The following SRGAP3 variants were observed in gnomAD, a reference collection of about 807,000 sequenced individuals.
The protein encoded by SRGAP3 is SLIT-ROBO Rho GTPase activating protein 3.
A neutral mutation model predicts 121.1 loss-of-function variants in SRGAP3; 39 were observed. That is an observed-to-expected ratio of 0.32 (90% CI 0.25 to 0.42). The LOEUF (loss-of-function observed/expected upper bound fraction) is 0.42. Among genes scored for constraint, SRGAP3 ranks in the 10% least tolerant of loss-of-function variants. The pLI is 1.00. For missense variants in SRGAP3, 1,213 were observed against 1,470.6 expected, an observed-to-expected ratio of 0.82 and a Z score of 2.86; for synonymous variants, 601 against 570.0, an observed-to-expected ratio of 1.05 and a Z score of -0.77.
chr3:9,313,855 G>A (rs768525032), intron 3 of SRGAP3, among the ~76,000 whole-genome samples: 38 of 151,958 alleles, frequency 2.5e-4, no homozygotes, highest in Admixed American at 3.9e-4. Context: ...TTAGCCGGGT[G>A]TGGTGGCATG....
intron 1 of SRGAP3, among the ~76,000 whole-genome samples, chr3:9,352,063 G>C (rs769470106): frequency 1.4e-4 from 22 of 151,954 alleles, no homozygotes; most frequent in Non-Finnish European, 2.8e-4. Flanking sequence ...TGGTGATTTG[G>C]GGCTTTAAGG....
intron 1 of SRGAP3, among the ~76,000 whole-genome samples, chr3:9,344,245 A>G (rs564062496): frequency 1.6e-3 from 245 of 152,290 alleles, no homozygotes; most frequent in African/African-American, 5.6e-3. Context: ...ACCTGAGGTC[A>G]GAAGTTGGAG....
chr3:8,994,296 C>T, intron 19 of SRGAP3, 47 bp downstream of exon 19: 1 of 1,610,994 alleles, frequency 6.2e-7, no homozygotes, highest in Non-Finnish European at 8.5e-7. Flanking sequence ...TCCCAGACAT[C>T]ACTAATCTAT....
chr3:9,315,590 A>AG (rs1379539454), intron 3 of SRGAP3, among the ~76,000 whole-genome samples: 1 of 152,256 alleles, frequency 6.6e-6, no homozygotes, highest in Non-Finnish European at 1.5e-5. Flanking sequence ...TTCTAAAGCA[A>AG]GACCTTGAGT....
At chr3:9,177,198 C>A (rs935645595) in intron 1 of SRGAP3, among the ~76,000 whole-genome samples, 1 of 152,178 alleles carries the variant, frequency 6.6e-6, no homozygotes, top group Non-Finnish European at 1.5e-5. Flanking sequence ...GTGATGTGGA[C>A]ACAAAAGGAA....
At chr3:9,271,068 T>C (rs1954467115) in intron 3 of SRGAP3, among the ~76,000 whole-genome samples, 1 of 152,220 alleles carries the variant, frequency 6.6e-6, no homozygotes, top group Non-Finnish European at 1.5e-5. Context: ...GCCCAGTGGC[T>C]CGTGACTGTA....
chr3:9,311,104 AGGTTGCAGTGAGCCCAG>A (rs950637587), intron 3 of SRGAP3, among the ~76,000 whole-genome samples: 1 of 151,032 alleles, frequency 6.6e-6, no homozygotes, highest in Admixed American at 6.6e-5. Context: ...CAGGAGGTGG[AGGTTGCAGTGAGCCCAG>A]GTTGCGTCAC....
chr3:9,182,820 AT>A (rs1041862700), intron 1 of SRGAP3, among the ~76,000 whole-genome samples: 1 of 151,694 alleles, frequency 6.6e-6, no homozygotes, highest in African/African-American at 2.4e-5. Context: ...TGCCTGGTTA[AT>A]TTTTTTAAAA....
At position 8,999,874 on chromosome 3, in the gene SRGAP3, T is replaced by TAAAAAG. The variant is rs1009664237; in HGVS notation, c.2228-5357_2228-5352dup. 4.6e-5 allele frequency among the ~76,000 whole-genome samples: 7 copies of TAAAAAG among 151,798 alleles called. No homozygotes were observed. The Middle Eastern group carries it at 0.014, about 297-fold the overall frequency. On this transcript the variant is annotated intron_variant, in intron 18 of 21. Coordinates refer to ENST00000383836, the MANE Select transcript of SRGAP3 (RefSeq NM_014850.4). Reference sequence around the variant, plus strand: ...CCCCAGGGAAACTCGAGAAAAAATATAAAAAGAAAAAGAAAAAGAAATATT... The same window carrying TAAAAAG: ...CCCCAGGGAAACTCGAGAAAAAATATAAAAAGAAAAAGAAAAAGAAAAAGAAATATT...
intron 3 of SRGAP3, among the ~76,000 whole-genome samples, chr3:9,095,482 T>A (rs188798217): frequency 2.8e-4 from 42 of 152,284 alleles, no homozygotes; most frequent in African/African-American, 1.0e-3. Context: ...GGCCTTATAT[T>A]TTTCCATATG....
intron 1 of SRGAP3, among the ~76,000 whole-genome samples, chr3:9,214,124 A>ACACACACACACACACACATG (rs1193644108): frequency 5.3e-5 from 8 of 151,268 alleles, no homozygotes; most frequent in Non-Finnish European, 1.0e-4. Context: ...TCCAACACAC[A>ACACACACACACACACACATG]CACACACACA....
chr3:9,115,813 T>A (rs867718630), intron 2 of SRGAP3, among the ~76,000 whole-genome samples: 3 of 152,142 alleles, frequency 2.0e-5, no homozygotes, highest in Non-Finnish European at 4.4e-5. Context: ...CTTAAATTTA[T>A]TTACAAAGAA....
chr3:9,183,519 T>C (rs1300505939), intron 1 of SRGAP3, among the ~76,000 whole-genome samples: 5 of 152,096 alleles, frequency 3.3e-5, no homozygotes, highest in South Asian at 2.1e-4. Flanking sequence ...GTATAAAACA[T>C]TGTACACACA....
At chr3:9,313,006 T>A (rs762008559) in intron 3 of SRGAP3, among the ~76,000 whole-genome samples, 3 of 151,296 alleles carry the variant, frequency 2.0e-5, no homozygotes, top group Non-Finnish European at 4.4e-5. Flanking sequence ...AATAAATAAA[T>A]AAAACAAAAA....
At chr3:9,362,545 C>A (rs992917932) in intron 1 of SRGAP3, among the ~76,000 whole-genome samples, 2 of 151,886 alleles carry the variant, frequency 1.3e-5, no homozygotes, top group African/African-American at 2.4e-5. Flanking sequence ...TTTAGGAGGG[C>A]TAGACAGAAG....
intron 6 of SRGAP3, 167 bp from the exon 7 acceptor site, chr3:9,058,639 C>A: frequency 1.5e-6 from 1 of 667,382 alleles, no homozygotes; most frequent in Non-Finnish European, 2.6e-6. Context: ...TCACGGCGCC[C>A]CTCAAGGGGA....
chr3:9,195,555 C>G (rs978062651), intron 1 of SRGAP3, among the ~76,000 whole-genome samples: 1 of 152,124 alleles, frequency 6.6e-6, no homozygotes, highest in African/African-American at 2.4e-5. Flanking sequence ...TCCCTCAGCT[C>G]CTCCCCCTCC....
In SRGAP3 at chr3:9,013,478, G is replaced by A. The variant is rs533590250; in HGVS notation, c.1977C>T (p.Phe659=). The part of the protein sequence containing the change: ...MMDPYNLAIC[F]GPTLMHIPDG... ...CAGGGATGTGCATGAGGGTAGGCCC[G>A]AAGCAGATGGCCAGGTTGTAGGGAT... The change falls in exon 17 of 22, where the codon TTC becomes TTT. Residue 659 remains phenylalanine, a synonymous_variant. Coordinates refer to ENST00000383836, the MANE Select transcript of SRGAP3 (RefSeq NM_014850.4). The A allele has an allele frequency of 1.9e-5, 30 of 1,614,124 alleles. No homozygotes were observed. The East Asian group carries it at 2.2e-4, about 12-fold the overall frequency.
At chr3:9,078,926 A>T (rs1294221200) in intron 4 of SRGAP3, among the ~76,000 whole-genome samples, 1 of 152,206 alleles carries the variant, frequency 6.6e-6, no homozygotes, top group African/African-American at 2.4e-5. Flanking sequence ...CAGGAAAAAA[A>T]ATGCCTTGCC....
Sources: gnomAD v4.1 joint callset for allele counts (sites outside exome capture counted in the v4.1 genomes callset) on GRCh38, gnomAD v4.1.1 for gene constraint, MANE v1.5 for transcripts, NCBI Gene and HGNC (gene_info 2026-07-23, HGNC 2026-07-21) for gene names.